Variants in DNMBP observed in about 807,000 individuals in gnomAD.
The protein encoded by DNMBP is dynamin-binding protein.
A neutral mutation model predicts 150.0 loss-of-function variants in DNMBP; 87 were observed. The ratio of observed to expected loss-of-function variants is 0.58; its 90% confidence interval spans 0.49 to 0.69. DNMBP has a LOEUF of 0.69. DNMBP is among the 30% of genes least tolerant of loss of function. The pLI is 0.00. For synonymous variants in DNMBP, 711 were observed against 750.4 expected, an observed-to-expected ratio of 0.95 and a Z score of 0.86; for missense variants, 1,774 against 1,949.0, an observed-to-expected ratio of 0.91 and a Z score of 1.69.
At chr10:100,009,343 C>T (rs1222522729) in intron 1 of DNMBP, among the ~76,000 whole-genome samples, 1 of 152,274 alleles carries the variant, frequency 6.6e-6, no homozygotes, top group Non-Finnish European at 1.5e-5. Flanking sequence ...ATGACCAAAG[C>T]TGCATCTCCA....
Position 99,880,235 on chromosome 10 carries a change from G to A in DNMBP, c.4124C>T (p.Pro1375Leu). 1.2e-6 allele frequency: 2 copies of A among 1,614,148 alleles called. No individual in the cohort carries two copies. Among genetic ancestry groups the A allele is most frequent in the Non-Finnish European group, 8.5e-7 (1 of 1,180,020 alleles). ...SEHGSSSPRF[P>L]RQNSGSTLTF... The stretch of plus-strand genomic sequence containing the variant: ...CAGGGTGCTGCCGCTGTTCTGGCGT[G>A]GGAACCTGGGGGAGGAGCTGCCGTG... Residue 1375 changes from proline (P) to leucine (L), a missense_variant, in exon 16 of 17, where the codon CCA becomes CTA. Pro to Leu is a moderately conservative substitution (Grantham distance 98, BLOSUM62 -3). This residue lies in a region of DNMBP where 1,430 missense variants were observed against 1,492.5 expected (regional missense o/e 0.96). Coordinates refer to ENST00000324109, the MANE Select transcript of DNMBP (RefSeq NM_015221.4).
chr10:99,896,817 TA>T (rs1386253162), intron 9 of DNMBP, among the ~76,000 whole-genome samples: 2 of 152,202 alleles, frequency 1.3e-5, no homozygotes, highest in Non-Finnish European at 2.9e-5. Context: ...TCTCCCATAG[TA>T]AAATGCTATA....
In DNMBP at chr10:99,876,394, CAA is replaced by C. The variant is rs71754926; in HGVS notation, c.*755_*756del. ...TGGGCAACATAGCAAGACCCCATCTCAAAAAAAAAAGCGGGGGGGCAGTGATT... is the reference window on the plus strand; with the variant it reads ...TGGGCAACATAGCAAGACCCCATCTCAAAAAAAAGCGGGGGGGCAGTGATT... On this transcript the variant is annotated 3_prime_UTR_variant, in exon 17 of 17. Transcript: ENST00000324109. 19,410 of 136,500 alleles carry C rather than the reference CAA, an allele frequency of 0.14. 1,800 individuals are homozygous for C. Among genetic ancestry groups the C allele is most frequent in the African/African-American group, 0.28 (10,480 of 37,312 alleles). The allele number at this position is 136,500 out of a possible 1,614,324, so 8.5% of individuals were successfully genotyped here. A position where few individuals can be genotyped will look rare whatever the true frequency, so the allele number is the denominator to read the frequency against.
chr10:99,951,322 G>C (rs1480380400), intron 4 of DNMBP, among the ~76,000 whole-genome samples: 2 of 152,206 alleles, frequency 1.3e-5, no homozygotes, highest in Non-Finnish European at 2.9e-5. Flanking sequence ...AGTGCAGAAG[G>C]AAAATGTGGG....
At chr10:99,939,436 A>G (rs750771693) in intron 4 of DNMBP, among the ~76,000 whole-genome samples, 14 of 152,240 alleles carry the variant, frequency 9.2e-5, no homozygotes, top group Non-Finnish European at 1.0e-4. Flanking sequence ...TCTTTGCAAA[A>G]ATTATAACAC....
chr10:99,977,183 C>A (rs184612240), intron 1 of DNMBP, among the ~76,000 whole-genome samples: 50 of 152,230 alleles, frequency 3.3e-4, no homozygotes, highest in African/African-American at 1.2e-3. Context: ...GAGCACACAC[C>A]CTAGAAGGGT....
chr10:99,895,456 G>C (rs938557028), intron 10 of DNMBP, among the ~76,000 whole-genome samples: 12 of 152,154 alleles, frequency 7.9e-5, no homozygotes, highest in Non-Finnish European at 1.8e-4. Flanking sequence ...AACATCTTTT[G>C]TTCAAATTTT....
At chr10:99,989,666 G>A (rs755498764) in intron 1 of DNMBP, among the ~76,000 whole-genome samples, 5 of 152,064 alleles carry the variant, frequency 3.3e-5, no homozygotes, top group African/African-American at 9.7e-5. Context: ...AGCCGAGATC[G>A]CGCCATCGCA....
intron 15 of DNMBP, 61 bp downstream of exon 15, chr10:99,883,949 GT>G: frequency 6.6e-7 from 1 of 1,507,848 alleles, no homozygotes; most frequent in Non-Finnish European, 9.1e-7. Context: ...CCAGATTCGG[GT>G]GCAGCCAAAA....
At chr10:99,957,484 A>C in intron 3 of DNMBP, 1 of 436,038 alleles carries the variant, frequency 2.3e-6, no homozygotes, top group Non-Finnish European at 4.1e-6. Context: ...CTAAGACTTT[A>C]TCTACATATT....
At chr10:99,982,941 G>A (rs12778372) in intron 1 of DNMBP, among the ~76,000 whole-genome samples, 68,967 of 150,798 alleles carry the variant, frequency 0.46, 16,520 homozygotes, top group African/African-American at 0.6. Context: ...ACTCCAGCCT[G>A]TGCAACAGAG....
chr10:99,981,429 G>A (rs1008462874), intron 1 of DNMBP, among the ~76,000 whole-genome samples: 2 of 152,116 alleles, frequency 1.3e-5, no homozygotes, highest in Non-Finnish European at 2.9e-5. Context: ...TGATCTGCCC[G>A]CCTTGGCCTC....
chr10:99,957,393 A>G, intron 3 of DNMBP, 188 bp from the exon 4 acceptor site: 1 of 626,502 alleles, frequency 1.6e-6, no homozygotes, highest in Non-Finnish European at 2.8e-6. Flanking sequence ...TAGTTTTCAG[A>G]GTGTTCCATG....
At chr10:99,929,840 C>T in intron 4 of DNMBP, 1 of 702,898 alleles carries the variant, frequency 1.4e-6, no homozygotes. Context: ...TCCTGCTGCC[C>T]CCATGTGCCT....
chr10:99,877,477 G>C, intron 16 of DNMBP, 141 bp from the exon 17 acceptor site: 1 of 561,348 alleles, frequency 1.8e-6, no homozygotes. Context: ...TGAGACAGAG[G>C]AACTGAATTT....
intron 1 of DNMBP, among the ~76,000 whole-genome samples, chr10:99,986,673 G>A (rs149385719): frequency 1.0e-4 from 15 of 147,756 alleles, no homozygotes; most frequent in African/African-American, 3.8e-4. Context: ...GAAGAAAACG[G>A]ACAACAAACG....
At chr10:99,991,474 T>C (rs773871060) in intron 1 of DNMBP, among the ~76,000 whole-genome samples, 3 of 152,104 alleles carry the variant, frequency 2.0e-5, no homozygotes, top group Non-Finnish European at 2.9e-5. Context: ...TTTCTCTATA[T>C]ATAGATTTGC....
At chr10:100,001,301 A>G (rs1177336289) in intron 1 of DNMBP, among the ~76,000 whole-genome samples, 1 of 143,134 alleles carries the variant, frequency 7.0e-6, no homozygotes, top group Non-Finnish European at 1.5e-5. Flanking sequence ...GAAGGCAGGT[A>G]GACATTGAAT....
intron 3 of DNMBP, among the ~76,000 whole-genome samples, chr10:99,960,927 T>C (rs1370920977): frequency 6.6e-6 from 1 of 151,228 alleles, no homozygotes; most frequent in Non-Finnish European, 1.5e-5. Context: ...CAGTGAACTA[T>C]GATCGGACCA....
Sources: gnomAD v4.1 joint callset for allele counts (sites outside exome capture counted in the v4.1 genomes callset) on GRCh38, gnomAD v4.1.1 for gene constraint, gnomAD v4.1.1 regional missense constraint, MANE v1.5 for transcripts, NCBI Gene and HGNC (gene_info 2026-07-23, HGNC 2026-07-21) for gene names.